The following TIAM1 variants were observed in gnomAD, a reference collection of about 807,000 sequenced individuals.
The protein encoded by TIAM1 is TIAM Rac1 associated GEF 1, also known as rho guanine nucleotide exchange factor TIAM1.
TIAM1 carries 65 observed loss-of-function variants against 163.5 expected under a neutral mutation model. That is an observed-to-expected ratio of 0.40 (90% CI 0.33 to 0.49). The LOEUF (loss-of-function observed/expected upper bound fraction) is 0.49. Ranked by LOEUF, TIAM1 falls within the 20% of genes least tolerant of loss-of-function variation. TIAM1 has a pLI of 0.77. For synonymous variants in TIAM1, 833 were observed against 810.1 expected, an observed-to-expected ratio of 1.03 and a Z score of -0.48; for missense variants, 1,789 against 2,044.7, an observed-to-expected ratio of 0.87 and a Z score of 2.41.
intron 2 of TIAM1, among the ~76,000 whole-genome samples, chr21:31,278,800 C>T (rs936870704): frequency 2.0e-5 from 3 of 152,180 alleles, no homozygotes; most frequent in African/African-American, 4.8e-5. Context: ...CATTGCTACC[C>T]GGTTGGCTCC....
chr21:31,360,979 T>C (rs892834161), intron 2 of TIAM1, among the ~76,000 whole-genome samples: 2 of 152,100 alleles, frequency 1.3e-5, no homozygotes, highest in Admixed American at 1.3e-4. Flanking sequence ...TCAGGCACTT[T>C]AGTAAAGATG....
chr21:31,459,161 C>T (rs1469376256), intron 2 of TIAM1, among the ~76,000 whole-genome samples: 1 of 152,110 alleles, frequency 6.6e-6, no homozygotes, highest in Admixed American at 6.6e-5. Flanking sequence ...GTTCTGTCAC[C>T]CAGGCTGACT....
At chr21:31,430,705 T>C (rs903521189) in intron 2 of TIAM1, among the ~76,000 whole-genome samples, 7 of 152,242 alleles carry the variant, frequency 4.6e-5, no homozygotes, top group Non-Finnish European at 8.8e-5. Context: ...TTTGTATGAA[T>C]TTCTAAGAAT....
At chr21:31,196,776 A>C (rs907358509) in intron 12 of TIAM1, among the ~76,000 whole-genome samples, 1 of 152,182 alleles carries the variant, frequency 6.6e-6, no homozygotes, top group Non-Finnish European at 1.5e-5. Flanking sequence ...CATTCTACCA[A>C]AAAGACACGT....
chr21:31,481,633 CT>C (rs1245768909), intron 1 of TIAM1, among the ~76,000 whole-genome samples: 1 of 152,110 alleles, frequency 6.6e-6, no homozygotes, highest in Non-Finnish European at 1.5e-5. Context: ...AGGAAAACAC[CT>C]GACTTACTAC....
chr21:31,184,957 C>T (rs1393748991), intron 14 of TIAM1, among the ~76,000 whole-genome samples: 1 of 152,148 alleles, frequency 6.6e-6, no homozygotes, highest in East Asian at 1.9e-4. Context: ...ATAACCTGCA[C>T]AGGTAGCTTT....
intron 2 of TIAM1, among the ~76,000 whole-genome samples, chr21:31,414,810 G>A (rs1420468933): frequency 1.3e-5 from 2 of 152,208 alleles, no homozygotes; most frequent in Non-Finnish European, 2.9e-5. Flanking sequence ...CTGGAAAAAG[G>A]TCACGTCCAA....
At chr21:31,269,060 A>AGT (rs1234443837) in intron 3 of TIAM1, among the ~76,000 whole-genome samples, 2 of 152,218 alleles carry the variant, frequency 1.3e-5, no homozygotes, top group African/African-American at 4.8e-5. Flanking sequence ...ATATGCTAAG[A>AGT]TTTACCCTCC....
chr21:31,359,552 T>C (rs1435727538), intron 2 of TIAM1, among the ~76,000 whole-genome samples: 2 of 151,998 alleles, frequency 1.3e-5, no homozygotes, highest in African/African-American at 2.4e-5. Context: ...CCCAGCACTT[T>C]GGGAGGCCGA....
At chr21:31,146,404 A>C (rs1420466957) in intron 20 of TIAM1, among the ~76,000 whole-genome samples, 2 of 15,042 alleles carry the variant, frequency 1.3e-4, no homozygotes, top group East Asian at 2.6e-3. Context: ...GCTCTGTGTC[A>C]AAAAAAAAAA....
At chr21:31,460,391 C>G (rs2045279309) in intron 2 of TIAM1, among the ~76,000 whole-genome samples, 1 of 152,352 alleles carries the variant, frequency 6.6e-6, no homozygotes, top group Admixed American at 6.5e-5. Flanking sequence ...CTTTGCGAAG[C>G]TGAGGCGGGT....
At chr21:31,491,242 T>C (rs2046459807) in intron 1 of TIAM1, among the ~76,000 whole-genome samples, 1 of 152,218 alleles carries the variant, frequency 6.6e-6, no homozygotes, top group African/African-American at 2.4e-5. Flanking sequence ...GAACTCATGA[T>C]TCTGATGCCA....
chr21:31,549,062 A>G (rs1305989473), intron 1 of TIAM1, among the ~76,000 whole-genome samples: 1 of 152,224 alleles, frequency 6.6e-6, no homozygotes, highest in African/African-American at 2.4e-5. Flanking sequence ...TTCACTTCCA[A>G]ATCTCATTGC....
intron 22 of TIAM1, among the ~76,000 whole-genome samples, chr21:31,139,050 T>C (rs2082731569): frequency 6.6e-6 from 1 of 152,208 alleles, no homozygotes; most frequent in Non-Finnish European, 1.5e-5. Flanking sequence ...TAGCACTATA[T>C]CACTTTGTTC....
intron 2 of TIAM1, among the ~76,000 whole-genome samples, chr21:31,432,069 A>C (rs1045173124): frequency 6.6e-6 from 1 of 151,102 alleles, no homozygotes; most frequent in African/African-American, 2.4e-5. Context: ...TATGGGGTGA[A>C]CATGTCAAAA....
intron 3 of TIAM1, among the ~76,000 whole-genome samples, chr21:31,275,126 T>TA (rs199540397): frequency 0.18 from 24,589 of 135,896 alleles, 2,446 homozygotes; most frequent in East Asian, 0.43. Flanking sequence ...TGTCTCAAGT[T>TA]AAAAAAAAAA....
At chr21:31,475,766 C>T (rs901360464) in intron 1 of TIAM1, among the ~76,000 whole-genome samples, 3 of 152,230 alleles carry the variant, frequency 2.0e-5, no homozygotes, top group Non-Finnish European at 2.9e-5. Flanking sequence ...TCAGGAAACG[C>T]AGAGAAAACA....
At chr21:31,362,899 G>A (rs1292138204) in intron 2 of TIAM1, among the ~76,000 whole-genome samples, 2 of 152,064 alleles carry the variant, frequency 1.3e-5, no homozygotes, top group Non-Finnish European at 2.9e-5. Context: ...ACAGGACATC[G>A]AGTTCTCTGA....
intron 1 of TIAM1, among the ~76,000 whole-genome samples, chr21:31,479,273 A>C (rs1372542846): frequency 2.0e-5 from 3 of 152,224 alleles, no homozygotes; most frequent in Non-Finnish European, 4.4e-5. Context: ...TCTTGTCTAT[A>C]AAATGAGAGG....
Sources: gnomAD v4.1 joint callset for allele counts (sites outside exome capture counted in the v4.1 genomes callset) on GRCh38, gnomAD v4.1.1 for gene constraint, MANE v1.5 for transcripts, NCBI Gene and HGNC (gene_info 2026-07-23, HGNC 2026-07-21) for gene names.